Variants in PPFIA2 observed in about 807,000 individuals in gnomAD.
The protein encoded by PPFIA2 is liprin-alpha-2.
Under a neutral mutation model 175.5 loss-of-function variants are expected in PPFIA2, and 46 were observed. The observed-to-expected ratio is 0.26, with a 90% CI of 0.21 to 0.34. PPFIA2 has a LOEUF of 0.34. Ranked by LOEUF, PPFIA2 falls within the 10% of genes least tolerant of loss-of-function variation. The pLI is 1.00. For synonymous variants in PPFIA2, 568 were observed against 511.4 expected (o/e 1.11, Z -1.49); for missense variants, 1,179 against 1,506.1 (o/e 0.78, Z 3.60).
intron 6 of PPFIA2, 37 bp from the exon 7 acceptor site, chr12:81,440,083 T>A (rs771171547): frequency 1.4e-6 from 2 of 1,450,598 alleles, no homozygotes; most frequent in Non-Finnish European, 1.9e-6. Flanking sequence ...GTAATGTACA[T>A]CCCATACATA....
chr12:81,738,932 C>A (rs552104890), intron 3 of PPFIA2, among the ~76,000 whole-genome samples: 3 of 151,930 alleles, frequency 2.0e-5, no homozygotes, highest in Admixed American at 1.3e-4. Context: ...TGCTCTAATA[C>A]TATTACTACT....
At chr12:81,351,554 G>A (rs530283140) in intron 17 of PPFIA2, among the ~76,000 whole-genome samples, 19 of 151,936 alleles carry the variant, frequency 1.3e-4, no homozygotes, top group South Asian at 4.2e-4. Context: ...AACTTCAAAC[G>A]CAAGTTTTAG....
intron 4 of PPFIA2, among the ~76,000 whole-genome samples, chr12:81,624,383 T>C (rs1275427943): frequency 6.7e-6 from 1 of 148,688 alleles, no homozygotes; most frequent in Admixed American, 6.8e-5. Flanking sequence ...CACTATAAAA[T>C]ATATATACTG....
intron 7 of PPFIA2, among the ~76,000 whole-genome samples, chr12:81,419,866 G>A (rs541037035): frequency 2.0e-5 from 3 of 152,182 alleles, no homozygotes; most frequent in Admixed American, 6.6e-5. Context: ...ACCATTGTTC[G>A]ATGTATGTTC....
intron 3 of PPFIA2, among the ~76,000 whole-genome samples, chr12:81,751,534 TACACACACACAC>T (rs10591884): frequency 5.5e-5 from 8 of 144,202 alleles, no homozygotes; most frequent in African/African-American, 2.0e-4. Flanking sequence ...TATAATATGC[TACACACACACAC>T]ACACACACAC....
At chr12:81,359,363 C>A (rs1385176074) in intron 15 of PPFIA2, among the ~76,000 whole-genome samples, 1 of 151,680 alleles carries the variant, frequency 6.6e-6, no homozygotes, top group Non-Finnish European at 1.5e-5. Context: ...CATTTTCCAT[C>A]AAATAGGTGA....
chr12:81,367,626 A>G (rs2033886579), intron 13 of PPFIA2, among the ~76,000 whole-genome samples: 1 of 151,610 alleles, frequency 6.6e-6, no homozygotes, highest in African/African-American at 2.4e-5. Flanking sequence ...ATCTACTGCA[A>G]TGTGGAATTA....
chr12:81,597,168 G>A (rs771580799), intron 4 of PPFIA2, among the ~76,000 whole-genome samples: 14 of 151,998 alleles, frequency 9.2e-5, no homozygotes, highest in Non-Finnish European at 4.4e-5. Context: ...TTCATGTAAC[G>A]ATGATATGAC....
intron 4 of PPFIA2, among the ~76,000 whole-genome samples, chr12:81,476,894 T>C (rs2057541483): frequency 6.6e-6 from 1 of 152,096 alleles, no homozygotes; most frequent in Non-Finnish European, 1.5e-5. Flanking sequence ...AGGAACGAGA[T>C]CATGTCCTTT....
At chr12:81,577,179 A>T (rs1292768026) in intron 4 of PPFIA2, among the ~76,000 whole-genome samples, 1 of 151,904 alleles carries the variant, frequency 6.6e-6, no homozygotes, top group African/African-American at 2.4e-5. Context: ...CTTTCATAAA[A>T]TAATTATCCC....
chr12:81,390,547 G>A (rs1215175908), intron 8 of PPFIA2, among the ~76,000 whole-genome samples: 1 of 151,826 alleles, frequency 6.6e-6, no homozygotes, highest in East Asian at 1.9e-4. Flanking sequence ...ATCTTTTCAT[G>A]TACTTATTGT....
At chr12:81,267,728 A>ATT (rs137975780) in intron 29 of PPFIA2, among the ~76,000 whole-genome samples, 184 bp downstream of exon 29, 2,480 of 77,700 alleles carry the variant, frequency 0.032, 79 homozygotes, top group African/African-American at 0.086. Context: ...TAATTGTATG[A>ATT]TTTTTTTTTT....
chr12:81,516,975 T>C (rs745636867), intron 4 of PPFIA2, among the ~76,000 whole-genome samples: 7 of 152,152 alleles, frequency 4.6e-5, no homozygotes, highest in African/African-American at 9.7e-5. Context: ...TTGATAATCT[T>C]AGACATGAAA....
At chr12:81,390,717 T>C (rs1443809751) in intron 8 of PPFIA2, among the ~76,000 whole-genome samples, 2 of 151,948 alleles carry the variant, frequency 1.3e-5, no homozygotes, top group Non-Finnish European at 2.9e-5. Flanking sequence ...CTTTTCTCTA[T>C]TCTGTAGACC....
chr12:81,539,828 A>C (rs2065937125), intron 4 of PPFIA2, among the ~76,000 whole-genome samples: 1 of 151,946 alleles, frequency 6.6e-6, no homozygotes, highest in Admixed American at 6.6e-5. Flanking sequence ...ATGTTTTCAC[A>C]CACTCTATAT....
At chr12:81,542,147 C>G (rs774213315) in intron 4 of PPFIA2, among the ~76,000 whole-genome samples, 1 of 152,064 alleles carries the variant, frequency 6.6e-6, no homozygotes, top group East Asian at 1.9e-4. Flanking sequence ...CTTGGGTGGG[C>G]CTTACATGCA....
At chr12:81,293,494 T>C (rs547941718) in intron 24 of PPFIA2, among the ~76,000 whole-genome samples, 2 of 151,888 alleles carry the variant, frequency 1.3e-5, no homozygotes, top group Non-Finnish European at 2.9e-5. Flanking sequence ...TAAGAAATAG[T>C]GAGTTACAAA....
chr12:81,734,149 G>A (rs1199976281), intron 3 of PPFIA2, among the ~76,000 whole-genome samples: 2 of 151,764 alleles, frequency 1.3e-5, no homozygotes, highest in Non-Finnish European at 2.9e-5. Flanking sequence ...GAATGCTGTG[G>A]TGAAAGTGAT....
chr12:81,391,519 T>C (rs903300774), intron 8 of PPFIA2, among the ~76,000 whole-genome samples: 8 of 151,960 alleles, frequency 5.3e-5, no homozygotes, highest in African/African-American at 1.9e-4. Context: ...AAGTAACATG[T>C]AAAACTGTGC....
Sources: allele counts gnomAD v4.1 joint callset (sites outside exome capture counted in the v4.1 genomes callset), GRCh38; gene constraint gnomAD v4.1.1; transcripts MANE v1.5; gene names NCBI Gene and HGNC (gene_info 2026-07-23, HGNC 2026-07-21).